The following PRRX2 variants were observed in gnomAD, a reference collection of about 807,000 sequenced individuals.
PRRX2 encodes paired mesoderm homeobox protein 2.
A neutral mutation model predicts 18.0 loss-of-function variants in PRRX2; 11 were observed. The observed-to-expected ratio is 0.61, with a 90% CI of 0.39 to 1.01. The LOEUF is 1.01. Among genes scored for constraint, PRRX2 ranks in the 50% least tolerant of loss-of-function variants. The pLI is 0.01. For missense variants in PRRX2, 387 were observed against 351.0 expected (o/e 1.10, Z -0.82); for synonymous variants, 177 against 154.8 (o/e 1.14, Z -1.06).
chr9:129,699,246 A>T (rs1158349126), intron 1 of PRRX2, among the ~76,000 whole-genome samples: 2 of 152,164 alleles, frequency 1.3e-5, no homozygotes, highest in Non-Finnish European at 2.9e-5. Context: ...AACATGGTGA[A>T]ACCTCGTCTA....
intron 1 of PRRX2, among the ~76,000 whole-genome samples, chr9:129,669,158 C>CTTTTT (rs10632892): frequency 0.74 from 111,186 of 150,556 alleles, 41,867 homozygotes; most frequent in African/African-American, 0.91. Flanking sequence ...CAGGCTCAAA[C>CTTTTT]TTTTTTTAAT....
intron 1 of PRRX2, among the ~76,000 whole-genome samples, chr9:129,666,606 C>A (rs955705218): frequency 1.4e-5 from 2 of 138,634 alleles, no homozygotes; most frequent in East Asian, 4.4e-4. Flanking sequence ...CCGGGAGCAG[C>A]TGCCTCGGTG....
chr9:129,716,922 A>G (rs1386979686), intron 1 of PRRX2, among the ~76,000 whole-genome samples: 1 of 152,196 alleles, frequency 6.6e-6, no homozygotes, highest in Admixed American at 6.5e-5. Flanking sequence ...AACAATCGCA[A>G]TAAAGATGGT....
chr9:129,665,905 C>A lies in PRRX2; in HGVS notation c.38C>A (p.Pro13Gln). 9.0e-7 allele frequency: 1 copy of A among 1,107,682 alleles called. No individual in the cohort carries two copies. Among genetic ancestry groups the A allele is most frequent in the South Asian group, 2.9e-5 (1 of 34,548 alleles). The allele number at this position is 1,107,682 out of a possible 1,614,324, so 68.6% of individuals were successfully genotyped here. A position where few individuals can be genotyped will look rare whatever the true frequency, so the allele number is the denominator to read the frequency against. Residue 13 changes from proline (P) to glutamine (Q), a missense_variant, in exon 1 of 4, where the codon CCG becomes CAG. By Grantham distance (76) the Pro-to-Gln change is moderately conservative. Transcript: ENST00000372469. This position sits in a 1 kb window ranked among gnomAD's most constrained non-coding sequence, Gnocchi z 5.3. ...GCCGCCGCCTTCGCCCTGGACAAGC[C>A]GGCGCTGGGCCCGGGGCCGCCGCCG... ...SAAAAFALDK[P>Q]ALGPGPPPPP...
intron 1 of PRRX2, among the ~76,000 whole-genome samples, chr9:129,668,795 A>AAG (rs1832061302): frequency 1.3e-5 from 2 of 150,392 alleles, no homozygotes; most frequent in African/African-American, 4.9e-5. Context: ...AAAAAAAAAA[A>AAG]AAAGAAAGAA....
intron 1 of PRRX2, among the ~76,000 whole-genome samples, chr9:129,714,597 G>A (rs762914550): frequency 3.3e-5 from 5 of 152,110 alleles, no homozygotes; most frequent in African/African-American, 4.8e-5. Flanking sequence ...CAGTGAGGAC[G>A]CCAGCCAGTG....
At chr9:129,668,778 C>CAAAAAAAAAAAAAA (rs562855941) in intron 1 of PRRX2, among the ~76,000 whole-genome samples, 4 of 58,624 alleles carry the variant, frequency 6.8e-5, no homozygotes, top group South Asian at 6.6e-4. Flanking sequence ...GACTCCATCT[C>CAAAAAAAAAAAAAA]AAAAAAAAAA....
In PRRX2 at chr9:129,720,888, C is replaced by T. The variant is rs1217852271; in HGVS notation, c.626+114C>T. The stretch of plus-strand genomic sequence containing the variant: ...AGAGAGCTTGAATGGTGTCCACGCG[C>T]CCCTGGGATCTGGGGTACACCAAGT... On this transcript the variant is annotated intron_variant, in intron 3 of 3. Transcript: ENST00000372469. 7 of 1,210,866 alleles carry T rather than the reference C, an allele frequency of 5.8e-6. No homozygotes were observed. The East Asian group carries it at 1.5e-4, about 25-fold the overall frequency. 75.0% of individuals were successfully genotyped at this position (1,210,866 alleles called of 1,614,324 possible).
At position 129,666,114 on chromosome 9, in the gene PRRX2, G is replaced by A; in HGVS notation, c.247G>A (p.Ala83Thr). The change falls in exon 1 of 4, where the codon GCG becomes ACG. Residue 83 changes from alanine (A) to threonine (T), a missense_variant. By Grantham distance (58) the Ala-to-Thr change is moderately conservative (BLOSUM62 0). Coordinates refer to ENST00000372469, the MANE Select transcript of PRRX2 (RefSeq NM_016307.4). Reference protein sequence around the residue: ...PSGGSSGSEAAPQDGECPSPG... With the variant: ...PSGGSSGSEATPQDGECPSPG... ...CGGGGGCAGCAGCGGCAGCGAGGCG[G>A]CGCCGCAGGATGGTGAGTACGGCCG... 9.8e-7 allele frequency: 1 copy of A among 1,020,662 alleles called. No homozygotes were observed. The highest frequency in any genetic ancestry group is 1.2e-6 in the Non-Finnish European group (1 of 855,206). 63.2% of individuals were successfully genotyped at this position (1,020,662 alleles called of 1,614,324 possible). A position where few individuals can be genotyped will look rare whatever the true frequency, so the allele number is the denominator to read the frequency against.
In PRRX2 at chr9:129,695,105, C is replaced by T. The variant is rs1235892039; in HGVS notation, c.260-24126C>T. On this transcript the variant is annotated intron_variant, in intron 1 of 3. Coordinates refer to ENST00000372469, the MANE Select transcript of PRRX2 (RefSeq NM_016307.4). This position sits in a 1 kb window ranked among gnomAD's most constrained non-coding sequence, Gnocchi z 4.8. ...CCTAGCAGTCCAGGGAGAACCCCAACACCCCACAGGCAAGTGGCTGGACCT... is the reference window on the plus strand; with the variant it reads ...CCTAGCAGTCCAGGGAGAACCCCAATACCCCACAGGCAAGTGGCTGGACCT... Among the ~76,000 whole-genome samples the T allele has an allele frequency of 6.6e-6, 1 of 152,236 alleles. No individual in the cohort carries two copies. Among genetic ancestry groups the T allele is most frequent in the Non-Finnish European group, 1.5e-5 (1 of 68,048 alleles).
At chr9:129,684,692 C>T (rs1404570646) in intron 1 of PRRX2, among the ~76,000 whole-genome samples, 2 of 152,000 alleles carry the variant, frequency 1.3e-5, no homozygotes, top group African/African-American at 2.4e-5. Flanking sequence ...ACCTCTGGGA[C>T]GGGGAATGTA....
chr9:129,716,437 C>A (rs1832707176), intron 1 of PRRX2, among the ~76,000 whole-genome samples: 1 of 150,580 alleles, frequency 6.6e-6, no homozygotes, highest in East Asian at 2.0e-4. Flanking sequence ...GTGAACAGTA[C>A]ATACTATGCT....
intron 1 of PRRX2, among the ~76,000 whole-genome samples, chr9:129,697,556 G>A (rs1326807028): frequency 6.6e-6 from 1 of 151,266 alleles, no homozygotes; most frequent in African/African-American, 2.4e-5. Context: ...TGGCTGGCGC[G>A]CACATGGCCG....
At chr9:129,693,350 T>G (rs1417334970) in intron 1 of PRRX2, among the ~76,000 whole-genome samples, 1 of 152,172 alleles carries the variant, frequency 6.6e-6, no homozygotes, top group Non-Finnish European at 1.5e-5. Context: ...TCTTAGCACT[T>G]TGGGAGGCCA....
At chr9:129,668,290 G>T (rs948855426) in intron 1 of PRRX2, among the ~76,000 whole-genome samples, 2 of 152,160 alleles carry the variant, frequency 1.3e-5, no homozygotes, top group African/African-American at 4.8e-5. Flanking sequence ...CCCCATCATC[G>T]ACCCTTTGAA....
rs905401500 is a variant in PRRX2 at position 129,719,530 on chromosome 9, G to C, written c.447+112G>C. 8 of 1,289,928 alleles carry C rather than the reference G, an allele frequency of 6.2e-6. No individual in the cohort carries two copies. The African/African-American group carries it at 9.3e-5, about 15-fold the overall frequency. The allele number at this position is 1,289,928 out of a possible 1,614,324, so 79.9% of individuals were successfully genotyped here. ...GAGGGGTGTTTGAGCAGGAGCATCT[G>C]AGGCCAGGAGGACGGGGGTTCAGAT... is the stretch of plus-strand genomic sequence containing the variant. On this transcript the variant is annotated intron_variant, in intron 2 of 3. Transcript: ENST00000372469.
Position 129,665,944 on chromosome 9 carries a change from T to C in PRRX2, c.77T>C (p.Leu26Pro). 8.9e-7 allele frequency: 1 copy of C among 1,125,980 alleles called. No homozygotes were observed. Among genetic ancestry groups the C allele is most frequent in the Admixed American group, 4.6e-5 (1 of 21,850 alleles). The allele number at this position is 1,125,980 out of a possible 1,614,324, so 69.7% of individuals were successfully genotyped here. ...GGGCCGCCGCCGCCTCCACCCGCGC[T>C]GGGGCCCGGCGACTGCGCCCAGGCG... is the stretch of plus-strand genomic sequence containing the variant. Reference protein sequence around the residue: ...GPGPPPPPPALGPGDCAQARK... With the variant: ...GPGPPPPPPAPGPGDCAQARK... Residue 26 changes from leucine (L) to proline (P), a missense_variant, in exon 1 of 4, where the codon CTG (leucine) becomes CCG (proline). Leu to Pro is a moderately conservative substitution (Grantham distance 98, BLOSUM62 -3). Transcript: ENST00000372469. This position sits in a 1 kb window ranked among gnomAD's most constrained non-coding sequence, Gnocchi z 5.3.
chr9:129,669,298 G>C (rs1309611010), intron 1 of PRRX2, among the ~76,000 whole-genome samples: 1 of 152,252 alleles, frequency 6.6e-6, no homozygotes, highest in Non-Finnish European at 1.5e-5. Context: ...GAACAAACCA[G>C]GGTCGCGGGT....
At position 129,722,411 on chromosome 9, in the gene PRRX2, C is replaced by T; in HGVS notation, c.*59C>T. ...GGGTGGACAGCAATAGAAAAGGGGG[C>T]AGACGCCCAGGAAGTGACCTTCTCC... On this transcript the variant is annotated 3_prime_UTR_variant, in exon 4 of 4. Transcript: ENST00000372469. The T allele has an allele frequency of 6.3e-7, 1 of 1,585,734 alleles. No homozygotes were observed. Among genetic ancestry groups the T allele is most frequent in the East Asian group, 2.3e-5 (1 of 44,162 alleles).
Sources: allele counts gnomAD v4.1 joint callset (sites outside exome capture counted in the v4.1 genomes callset), GRCh38; gene constraint gnomAD v4.1.1; non-coding constraint Gnocchi (gnomAD v3.1); transcripts MANE v1.5; gene names NCBI Gene and HGNC (gene_info 2026-07-23, HGNC 2026-07-21).